Variants in MAST4 observed in about 807,000 individuals in gnomAD.
MAST4 encodes the protein microtubule associated serine/threonine kinase family member 4.
Under a neutral mutation model 162.7 loss-of-function variants are expected in MAST4, and 89 were observed. That is an observed-to-expected ratio of 0.55 (90% CI 0.46 to 0.65). The LOEUF is 0.65. Ranked by LOEUF, MAST4 falls within the 30% of genes least tolerant of loss-of-function variation. The probability of loss-of-function intolerance (pLI) is 0.00; values close to 1 mark genes in which losing one functional copy is unlikely to be tolerated. For synonymous variants in MAST4, 1,479 were observed against 1,361.1 expected (o/e 1.09, Z -1.91); for missense variants, 3,153 against 3,374.0 (o/e 0.93, Z 1.62).
chr5:66,815,376 T>A (rs1040228924), intron 3 of MAST4, among the ~76,000 whole-genome samples: 1 of 152,242 alleles, frequency 6.6e-6, no homozygotes, highest in African/African-American at 2.4e-5. Context: ...CAGATTACAT[T>A]CACATGACTT....
At chr5:67,158,581 T>C (rs1772820522) in intron 26 of MAST4, among the ~76,000 whole-genome samples, 1 of 151,960 alleles carries the variant, frequency 6.6e-6, no homozygotes, top group Non-Finnish European at 1.5e-5. Flanking sequence ...AAAAAAATTT[T>C]TTTTAATTAA....
chr5:66,758,688 A>G (rs1753692409), intron 1 of MAST4, among the ~76,000 whole-genome samples: 2 of 152,210 alleles, frequency 1.3e-5, no homozygotes, highest in Non-Finnish European at 2.9e-5. Flanking sequence ...CTTCACCTGA[A>G]AAAATTTGAC....
At chr5:66,818,639 A>AC (rs1352394599) in intron 3 of MAST4, among the ~76,000 whole-genome samples, 6 of 152,016 alleles carry the variant, frequency 3.9e-5, no homozygotes. Flanking sequence ...ATGTGTGGGT[A>AC]CGTGCACATT....
At chr5:67,143,524 A>G (rs1770677929) in intron 21 of MAST4, among the ~76,000 whole-genome samples, 1 of 152,232 alleles carries the variant, frequency 6.6e-6, no homozygotes, top group Non-Finnish European at 1.5e-5. Flanking sequence ...TGCTATTTTC[A>G]GTAGCTATAT....
rs776095520 is a variant in MAST4, at chr5:67,162,739, T to C, written c.3918T>C (p.Ser1306=). The C allele has an allele frequency of 1.9e-6, 3 of 1,613,710 alleles. No homozygotes were observed. Among genetic ancestry groups the C allele is most frequent in the Non-Finnish European group, 2.5e-6 (3 of 1,179,836 alleles). The part of the protein sequence containing the change: ...SLPGSPTHSL[S]PRSPTPSYRS... ...CAGGTTCCCCCACTCATAGCTTGTC[T>C]CCCCGGTCTCCAACACCAAGCTACC... The change falls in exon 28 of 29, where the codon TCT becomes TCC. Residue 1306 remains serine (S), a synonymous_variant. Transcript: ENST00000403625.
rs1314355157 is a variant in MAST4, at chr5:66,634,788, G to C, written c.363+37770G>C. On this transcript the variant is annotated intron_variant, in intron 1 of 28. Transcript: ENST00000403625. Reference sequence around the variant, plus strand: ...AGAACGTTGGGCTGGGCCCAAGGTAGGGCTTGAGTGGTGGAATCAGCTGTA... The same window carrying C: ...AGAACGTTGGGCTGGGCCCAAGGTACGGCTTGAGTGGTGGAATCAGCTGTA... 5.3e-5 allele frequency among the ~76,000 whole-genome samples: 8 copies of C among 152,234 alleles called. No homozygotes were observed. The East Asian group carries it at 1.5e-3, about 29-fold the overall frequency.
chr5:67,037,538 A>G (rs1403164777), intron 4 of MAST4, among the ~76,000 whole-genome samples: 1 of 152,202 alleles, frequency 6.6e-6, no homozygotes, highest in Non-Finnish European at 1.5e-5. Context: ...TGTCAACCCT[A>G]TTTCTATTCC....
At chr5:66,871,968 C>T (rs933827980) in intron 3 of MAST4, among the ~76,000 whole-genome samples, 5 of 152,184 alleles carry the variant, frequency 3.3e-5, no homozygotes, top group African/African-American at 1.2e-4. Flanking sequence ...TGTTTTTAAA[C>T]ATCTGCCATG....
At chr5:66,670,733 C>T (rs552543529) in intron 1 of MAST4, among the ~76,000 whole-genome samples, 9 of 149,814 alleles carry the variant, frequency 6.0e-5, no homozygotes, top group Non-Finnish European at 1.0e-4. Context: ...ATTAGGCGGT[C>T]GACTAGAGAA....
At chr5:66,923,109 G>C (rs114006958) in intron 4 of MAST4, among the ~76,000 whole-genome samples, 199 of 152,302 alleles carry the variant, frequency 1.3e-3, no homozygotes, top group African/African-American at 4.6e-3. Context: ...AAATCTGAGC[G>C]ATCTATTTCA....
chr5:67,117,155 ATAC>A (rs550536304), intron 12 of MAST4, among the ~76,000 whole-genome samples: 187 of 152,356 alleles, frequency 1.2e-3, no homozygotes, highest in African/African-American at 4.3e-3. Context: ...TTTTATTTAA[ATAC>A]TACTAATTTT....
At chr5:67,006,889 G>A (rs543052554) in intron 4 of MAST4, among the ~76,000 whole-genome samples, 8 of 152,230 alleles carry the variant, frequency 5.3e-5, no homozygotes, top group African/African-American at 1.9e-4. Flanking sequence ...TCATGAAACC[G>A]TATCTTCAAT....
chr5:67,021,599 A>G (rs1753990919), intron 4 of MAST4, among the ~76,000 whole-genome samples: 1 of 152,148 alleles, frequency 6.6e-6, no homozygotes, highest in Non-Finnish European at 1.5e-5. Flanking sequence ...TGGTGTGTTT[A>G]TTTTGCTTTG....
chr5:67,133,262 A>G (rs1769221615), intron 16 of MAST4, among the ~76,000 whole-genome samples: 1 of 151,948 alleles, frequency 6.6e-6, no homozygotes, highest in Non-Finnish European at 1.5e-5. Flanking sequence ...TATAAATGAT[A>G]TTGTATGTGG....
chr5:66,822,496 A>G (rs1757043563), intron 3 of MAST4, among the ~76,000 whole-genome samples: 1 of 152,228 alleles, frequency 6.6e-6, no homozygotes, highest in Non-Finnish European at 1.5e-5. Flanking sequence ...TTAGGACTGT[A>G]TAATTTTGAA....
intron 3 of MAST4, among the ~76,000 whole-genome samples, chr5:66,865,333 A>G (rs1307022105): frequency 6.6e-6 from 1 of 152,208 alleles, no homozygotes; most frequent in African/African-American, 2.4e-5. Context: ...TTCCACTGAG[A>G]GCCATGCTTT....
rs2149376313 is a variant in MAST4 at position 66,596,667 on chromosome 5, A to C, written c.12A>C (p.Lys4Asn). Residue 4 changes from lysine to asparagine, a missense_variant, in exon 1 of 29, where the codon AAA becomes AAC. Physicochemically the swap from Lys to Asn is moderately conservative, Grantham distance 94. Around this residue, in one of 7 missense-constraint regions of MAST4, gnomAD observed 327 missense variants for 336.5 expected, o/e 0.97. Coordinates refer to ENST00000403625, the MANE Select transcript of MAST4 (RefSeq NM_001164664.2). MGE[K>N]VSEAPEPVPR... ...GGCCAGACAGGGAAATGGGGGAGAA[A>C]GTTTCGGAGGCGCCAGAGCCGGTGC... The C allele has an allele frequency of 1.4e-6, 2 of 1,460,776 alleles. No individual in the cohort carries two copies. The highest frequency in any genetic ancestry group is 2.8e-5 in the South Asian group (2 of 70,840). 90.5% of individuals were successfully genotyped at this position (1,460,776 alleles called of 1,614,324 possible).
At chr5:66,862,517 A>G (rs1309785988) in intron 3 of MAST4, among the ~76,000 whole-genome samples, 1 of 152,228 alleles carries the variant, frequency 6.6e-6, no homozygotes, top group East Asian at 1.9e-4. Flanking sequence ...ATCGATATGT[A>G]ATGTTTTAAA....
intron 1 of MAST4, among the ~76,000 whole-genome samples, chr5:66,601,346 T>C (rs886811151): frequency 6.6e-6 from 1 of 152,232 alleles, no homozygotes; most frequent in Non-Finnish European, 1.5e-5. Context: ...AGTCTGACTC[T>C]GAGACATCGT....
Sources: allele counts gnomAD v4.1 joint callset (sites outside exome capture counted in the v4.1 genomes callset), GRCh38; gene constraint gnomAD v4.1.1; regional missense constraint gnomAD v4.1.1; transcripts MANE v1.5; gene names NCBI Gene and HGNC (gene_info 2026-07-23, HGNC 2026-07-21).